ZBTB7C: variants seen among roughly 807,000 people sequenced by gnomAD.
ZBTB7C encodes the protein zinc finger and BTB domain containing 7C.
A neutral mutation model predicts 25.7 loss-of-function variants in ZBTB7C; 8 were observed. The observed-to-expected ratio is 0.31, with a 90% CI of 0.18 to 0.56. ZBTB7C has a LOEUF of 0.56. Ranked by LOEUF, ZBTB7C falls within the 20% of genes least tolerant of loss-of-function variation. The pLI is 0.91. For missense variants in ZBTB7C, 824 were observed against 855.2 expected, an observed-to-expected ratio of 0.96 and a Z score of 0.46; for synonymous variants, 394 against 369.0, an observed-to-expected ratio of 1.07 and a Z score of -0.78.
intron 3 of ZBTB7C, among the ~76,000 whole-genome samples, chr18:48,146,645 T>A (rs983137286): frequency 2.6e-5 from 4 of 152,218 alleles, no homozygotes; most frequent in African/African-American, 9.6e-5. Context: ...ATTTTTAGAT[T>A]TTCCAGTCTG....
chr18:48,304,755 C>G (rs1361114301), intron 2 of ZBTB7C, among the ~76,000 whole-genome samples: 1 of 147,628 alleles, frequency 6.8e-6, no homozygotes, highest in Non-Finnish European at 1.5e-5. Context: ...GAAGGAGAAT[C>G]GCTTGAACTT....
At chr18:48,180,473 C>A in intron 3 of ZBTB7C, 1 of 396,886 alleles carries the variant, frequency 2.5e-6, no homozygotes, top group Admixed American at 2.8e-5. Context: ...TCACCTATGC[C>A]ATGCCTGGGG....
chr18:48,350,383 C>G (rs1005050522), intron 1 of ZBTB7C, among the ~76,000 whole-genome samples: 1 of 152,190 alleles, frequency 6.6e-6, no homozygotes, highest in Non-Finnish European at 1.5e-5. Flanking sequence ...TCCGTAGTTA[C>G]GTCTCCCTCT....
chr18:48,183,086 C>T (rs781569925), intron 3 of ZBTB7C, among the ~76,000 whole-genome samples: 1 of 152,032 alleles, frequency 6.6e-6, no homozygotes, highest in Non-Finnish European at 1.5e-5. Context: ...CTAAAGAGTT[C>T]GAAAACGTTT....
At chr18:48,403,930 A>G (rs1272864488) in intron 1 of ZBTB7C, among the ~76,000 whole-genome samples, 20 of 152,176 alleles carry the variant, frequency 1.3e-4, no homozygotes, top group Admixed American at 1.3e-3. Context: ...CAAACAAAAA[A>G]TAATGTGAAG....
At chr18:48,195,579 C>T (rs746715759) in intron 2 of ZBTB7C, among the ~76,000 whole-genome samples, 79 of 152,278 alleles carry the variant, frequency 5.2e-4, no homozygotes, top group African/African-American at 1.7e-3. Flanking sequence ...TATCAAGTCT[C>T]GGATATGTCT....
chr18:48,391,443 T>C (rs1432637842), intron 1 of ZBTB7C, among the ~76,000 whole-genome samples: 1 of 152,230 alleles, frequency 6.6e-6, no homozygotes, highest in South Asian at 2.1e-4. Flanking sequence ...ACTGTCAACA[T>C]TTCTTTCATG....
intron 2 of ZBTB7C, among the ~76,000 whole-genome samples, chr18:48,276,393 G>A (rs2044653477): frequency 6.8e-6 from 1 of 147,992 alleles, no homozygotes; most frequent in Non-Finnish European, 1.5e-5. Context: ...CTGGTGCACT[G>A]CACCCACTAA....
At chr18:48,388,837 T>C (rs1271116699) in intron 1 of ZBTB7C, among the ~76,000 whole-genome samples, 1 of 152,228 alleles carries the variant, frequency 6.6e-6, no homozygotes, top group South Asian at 2.1e-4. Flanking sequence ...GATCATCTTA[T>C]ATGGAAGTAA....
chr18:48,091,273 G>A (rs1289270104), intron 3 of ZBTB7C, among the ~76,000 whole-genome samples: 1 of 129,904 alleles, frequency 7.7e-6, no homozygotes, highest in African/African-American at 3.1e-5. Flanking sequence ...TGGAGAGACA[G>A]GGTCTTGTTA....
intron 3 of ZBTB7C, among the ~76,000 whole-genome samples, chr18:48,166,092 A>G (rs1307719348): frequency 2.0e-5 from 3 of 152,164 alleles, no homozygotes; most frequent in African/African-American, 7.2e-5. Flanking sequence ...TATATGTGTA[A>G]CATAAATGTT....
chr18:48,162,470 C>T (rs4939747), intron 3 of ZBTB7C: 72,791 of 445,232 alleles, frequency 0.16, 7,568 homozygotes, highest in African/African-American at 0.31. Flanking sequence ...ATAATAGGGA[C>T]TTCATAGACA....
chr18:48,379,405 T>C (rs1173552132), intron 1 of ZBTB7C, among the ~76,000 whole-genome samples: 2 of 152,212 alleles, frequency 1.3e-5, no homozygotes, highest in Non-Finnish European at 2.9e-5. Flanking sequence ...TGACTGAGAT[T>C]GTGTTGAATC....
intron 2 of ZBTB7C, among the ~76,000 whole-genome samples, chr18:48,216,234 C>T (rs1568308360): frequency 6.6e-6 from 1 of 152,192 alleles, no homozygotes; most frequent in Non-Finnish European, 1.5e-5. Flanking sequence ...GGCAGCTTTT[C>T]TTGTTTTCAA....
chr18:48,053,233 A>G (rs2036768076), intron 3 of ZBTB7C, among the ~76,000 whole-genome samples: 1 of 152,192 alleles, frequency 6.6e-6, no homozygotes, highest in African/African-American at 2.4e-5. Flanking sequence ...AAGAATGGGC[A>G]TGGAGTTGGG....
At chr18:48,228,745 T>TCACACACACACACACACACA (rs1375739209) in intron 2 of ZBTB7C, among the ~76,000 whole-genome samples, 1 of 136,628 alleles carries the variant, frequency 7.3e-6, no homozygotes. Context: ...TCTCTCTCTC[T>TCACACACACACACACACACA]CTCACACACA....
chr18:48,073,802 C>T (rs1334942197), intron 3 of ZBTB7C, among the ~76,000 whole-genome samples: 1 of 152,104 alleles, frequency 6.6e-6, no homozygotes, highest in Non-Finnish European at 1.5e-5. Flanking sequence ...CTGGGGTGGA[C>T]GTTTCAGCCC....
At chr18:48,113,907 C>G (rs1042273111) in intron 3 of ZBTB7C, among the ~76,000 whole-genome samples, 23 of 152,210 alleles carry the variant, frequency 1.5e-4, no homozygotes, top group Admixed American at 9.2e-4. Flanking sequence ...CTGGGGCCGG[C>G]TGTAAAATGC....
intron 3 of ZBTB7C, among the ~76,000 whole-genome samples, chr18:48,088,963 A>G (rs1453038591): frequency 6.6e-6 from 1 of 152,218 alleles, no homozygotes; most frequent in Admixed American, 6.5e-5. Context: ...ATGGGCAGCC[A>G]CTAAAGATAC....
Sources: allele counts gnomAD v4.1 joint callset (sites outside exome capture counted in the v4.1 genomes callset), GRCh38; gene constraint gnomAD v4.1.1; transcripts MANE v1.5; gene names NCBI Gene and HGNC (gene_info 2026-07-23, HGNC 2026-07-21).